C3orf70: variants seen among roughly 807,000 people sequenced by gnomAD.
The protein encoded by C3orf70 is UPF0524 protein C3orf70.
C3orf70 carries 15 observed loss-of-function variants against 20.7 expected under a neutral mutation model. The ratio of observed to expected loss-of-function variants is 0.72; its 90% CI spans 0.48 to 1.11. The LOEUF (loss-of-function observed/expected upper bound fraction) is 1.11. Among genes scored for constraint, C3orf70 ranks in the 50% most tolerant of loss-of-function variants. C3orf70 has a pLI of 0.00. For synonymous variants in C3orf70, 161 were observed against 125.7 expected, an observed-to-expected ratio of 1.28 and a Z score of -1.88; for missense variants, 332 against 317.6, an observed-to-expected ratio of 1.05 and a Z score of -0.34.
intron 1 of C3orf70, among the ~76,000 whole-genome samples, chr3:185,123,154 G>A (rs1392986232): frequency 6.9e-6 from 1 of 144,254 alleles, no homozygotes. Flanking sequence ...ACTCCAGCCT[G>A]GGTGACAGAC....
chr3:185,139,625 C>T (rs1716708870), intron 1 of C3orf70, among the ~76,000 whole-genome samples: 1 of 151,382 alleles, frequency 6.6e-6, no homozygotes, highest in Non-Finnish European at 1.5e-5. Flanking sequence ...TTGTATGGTA[C>T]TGGCAGAAGA....
At position 185,078,587 on chromosome 3, in the gene C3orf70, C is replaced by G. The variant is rs1247533600; in HGVS notation, c.*4420G>C. The G allele has an allele frequency of 6.6e-6, 1 of 152,254 alleles. No homozygotes were observed. Among genetic ancestry groups the G allele is most frequent in the Non-Finnish European group, 1.5e-5 (1 of 68,050 alleles). The allele number at this position is 152,254 out of a possible 1,614,324, so 9.4% of individuals were successfully genotyped here. ...GTGTGGAACTCCCACTGGCTTCCCCCTTCTTCCCTCCTCCTCAGTGGGAGA... is the reference window on the plus strand; with the variant it reads ...GTGTGGAACTCCCACTGGCTTCCCCGTTCTTCCCTCCTCCTCAGTGGGAGA... On this transcript the variant is annotated 3_prime_UTR_variant, in exon 2 of 2. Transcript: ENST00000335012.
rs1715303452 is a variant in C3orf70, at chr3:185,080,275, CTAT to C, written c.*2729_*2731del. 6.6e-6 allele frequency: 1 copy of C among 152,542 alleles called. No individual in the cohort carries two copies. The highest frequency in any genetic ancestry group is 2.4e-5 in the African/African-American group (1 of 41,390). The allele number at this position is 152,542 out of a possible 1,614,324, so 9.4% of individuals were successfully genotyped here. On this transcript the variant is annotated 3_prime_UTR_variant, in exon 2 of 2. Coordinates refer to ENST00000335012, the MANE Select transcript of C3orf70 (RefSeq NM_001025266.3). Reference sequence around the variant, plus strand: ...TGCAAATACATAAGGTGATTATCAACTATTATTAAATCCAAAAATTCCATTAAA... The same window carrying C: ...TGCAAATACATAAGGTGATTATCAACTATTAAATCCAAAAATTCCATTAAA...
chr3:185,118,989 G>C (rs1716238506), intron 1 of C3orf70, among the ~76,000 whole-genome samples: 2 of 152,186 alleles, frequency 1.3e-5, no homozygotes, highest in African/African-American at 4.8e-5. Flanking sequence ...TTCCCATATT[G>C]AAAGAGAGGA....
At chr3:185,106,574 A>G (rs918004866) in intron 1 of C3orf70, among the ~76,000 whole-genome samples, 1 of 152,258 alleles carries the variant, frequency 6.6e-6, no homozygotes, top group African/African-American at 2.4e-5. Context: ...AAGTTTGATA[A>G]AGATGGGAAC....
chr3:185,099,536 C>G (rs1715779299), intron 1 of C3orf70, among the ~76,000 whole-genome samples: 1 of 152,148 alleles, frequency 6.6e-6, no homozygotes, highest in Non-Finnish European at 1.5e-5. Context: ...AATTCATTAC[C>G]ACCAGATCTG....
At chr3:185,109,877 C>G (rs2108595476) in intron 1 of C3orf70, among the ~76,000 whole-genome samples, 1 of 152,244 alleles carries the variant, frequency 6.6e-6, no homozygotes. Flanking sequence ...AATGAACGTA[C>G]TTGTTTAGGA....
At chr3:185,126,849 T>C (rs1716421530) in intron 1 of C3orf70, among the ~76,000 whole-genome samples, 1 of 152,196 alleles carries the variant, frequency 6.6e-6, no homozygotes, top group Non-Finnish European at 1.5e-5. Flanking sequence ...GGAGAGATGG[T>C]ACAGCCCACT....
At position 185,152,892 on chromosome 3, in the gene C3orf70, CGA is replaced by C; in HGVS notation, c.-71_-70del. ...AGCGACGTCTGGGTGGGCAGGAAGC[CGA>C]GCCGGCTGCGGACGCGGGAGGGCGC... On this transcript the variant is annotated 5_prime_UTR_variant, in exon 1 of 2. Transcript: ENST00000335012. 7.3e-7 allele frequency: 1 copy of C among 1,362,402 alleles called. No homozygotes were observed. Among genetic ancestry groups the C allele is most frequent in the Non-Finnish European group, 9.5e-7 (1 of 1,047,932 alleles). 84.4% of individuals were successfully genotyped at this position (1,362,402 alleles called of 1,614,324 possible).
At chr3:185,098,571 T>C (rs900615033) in intron 1 of C3orf70, among the ~76,000 whole-genome samples, 4 of 152,210 alleles carry the variant, frequency 2.6e-5, no homozygotes, top group African/African-American at 9.6e-5. Flanking sequence ...TTACAAAATG[T>C]GATGAAGGCA....
intron 1 of C3orf70, among the ~76,000 whole-genome samples, chr3:185,090,040 T>A (rs536520800): frequency 6.6e-6 from 1 of 152,210 alleles, no homozygotes; most frequent in African/African-American, 2.4e-5. Flanking sequence ...CAAACTCTTA[T>A]AACAAGATAG....
rs1577315912 is a variant in C3orf70 at position 185,083,359 on chromosome 3, T to C, written c.401A>G (p.Tyr134Cys). Residue 134 changes from tyrosine to cysteine, a missense_variant, in exon 2 of 2, where the codon TAT becomes TGT. Coordinates refer to ENST00000335012, the MANE Select transcript of C3orf70 (RefSeq NM_001025266.3). ...CTTCCCATTAATACATTTAACCTGA[T>C]AGTTGTCAATAAAAAGGTCTGAAAT... Reference protein sequence around the residue: ...CMISDLFIDNYQVKCINGKMC... With the variant: ...CMISDLFIDNCQVKCINGKMC... The C allele has an allele frequency of 4.3e-6, 7 of 1,614,118 alleles. No individual in the cohort carries two copies. The East Asian group carries it at 6.7e-5, about 15-fold the overall frequency.
At chr3:185,091,947 ATATATATATATATATATTTTTTT>A (rs1198115566) in intron 1 of C3orf70, among the ~76,000 whole-genome samples, 225 of 14,118 alleles carry the variant, frequency 0.016, 15 homozygotes, top group African/African-American at 0.058. Context: ...ATATATATAT[ATATATATATATATATATTTTTTT>A]TTTTTTTTAG....
At position 185,129,081 on chromosome 3, in the gene C3orf70, T is replaced by G. The variant is rs554256551; in HGVS notation, c.196+23547A>C. ...TTTTCTGTGAGTCAAAGACAAATAC[T>G]ATTAAATACATTAGACATGACTTTT... On this transcript the variant is annotated intron_variant, in intron 1 of 1. Coordinates refer to ENST00000335012, the MANE Select transcript of C3orf70 (RefSeq NM_001025266.3). Among the ~76,000 whole-genome samples the G allele has an allele frequency of 1.1e-4, 16 of 152,342 alleles. No homozygotes were observed. The East Asian group carries it at 2.9e-3, about 28-fold the overall frequency.
intron 1 of C3orf70, among the ~76,000 whole-genome samples, chr3:185,108,829 C>CT (rs1455086891): frequency 1.3e-5 from 2 of 152,202 alleles, no homozygotes; most frequent in African/African-American, 4.8e-5. Context: ...GGGAGACTAG[C>CT]TTATGTACAT....
chr3:185,132,491 G>A (rs1218539232), intron 1 of C3orf70, among the ~76,000 whole-genome samples: 1 of 151,592 alleles, frequency 6.6e-6, no homozygotes, highest in African/African-American at 2.4e-5. Context: ...CTTCAGATAT[G>A]CCTTCCACTT....
intron 1 of C3orf70, among the ~76,000 whole-genome samples, chr3:185,103,097 T>G (rs1215790942): frequency 2.0e-5 from 3 of 151,802 alleles, no homozygotes; most frequent in Non-Finnish European, 4.4e-5. Context: ...ATACAAAAAT[T>G]AGCCAGGCGT....
At chr3:185,103,501 GA>G (rs36069491) in intron 1 of C3orf70, among the ~76,000 whole-genome samples, 107,580 of 149,682 alleles carry the variant, frequency 0.72, 38,807 homozygotes, top group Non-Finnish European at 0.76. Flanking sequence ...AAATTTACAA[GA>G]AAAAAAAAAC....
At position 185,152,731 on chromosome 3, in the gene C3orf70, G is replaced by C. The variant is rs1000292583; in HGVS notation, c.93C>G (p.Arg31=). ...AQALARSCAA[R]RPDFQPCDGL... is the part of the protein sequence containing the mutation. ...CGTCGCACGGCTGGAAGTCGGGTCT[G>C]CGGGCGGCGCAACTCCGCGCCAGGG... is the stretch of plus-strand genomic sequence containing the variant. The change falls in exon 1 of 2, where the codon CGC becomes CGG. Residue 31 remains arginine, a synonymous_variant. Coordinates refer to ENST00000335012, the MANE Select transcript of C3orf70 (RefSeq NM_001025266.3). The C allele has an allele frequency of 1.9e-6, 3 of 1,593,974 alleles. No individual in the cohort carries two copies. In the African/African-American group the frequency reaches 4.1e-5, roughly 22 times the overall value.
Sources: gnomAD v4.1 joint callset for allele counts (sites outside exome capture counted in the v4.1 genomes callset) on GRCh38, gnomAD v4.1.1 for gene constraint, MANE v1.5 for transcripts, NCBI Gene and HGNC (gene_info 2026-07-23, HGNC 2026-07-21) for gene names.